Variants in HAUS1 observed in about 807,000 individuals in gnomAD.
The protein encoded by HAUS1 is HAUS augmin-like complex subunit 1.
HAUS1 carries 25 observed loss-of-function variants against 38.6 expected under a neutral mutation model. That is an observed-to-expected ratio of 0.65 (90% CI 0.47 to 0.91). The LOEUF is 0.91. Among genes scored for constraint, HAUS1 ranks in the 40% least tolerant of loss-of-function variants. The pLI is 0.00. For missense variants in HAUS1, 325 were observed against 328.4 expected (o/e 0.99, Z 0.08); for synonymous variants, 109 against 112.9 (o/e 0.97, Z 0.22).
At chr18:46,107,616 A>C (rs934478113) in intron 2 of HAUS1, among the ~76,000 whole-genome samples, 1 of 152,200 alleles carries the variant, frequency 6.6e-6, no homozygotes, top group African/African-American at 2.4e-5. Flanking sequence ...CTTTATAACA[A>C]GTGTACATTG....
intron 2 of HAUS1, among the ~76,000 whole-genome samples, chr18:46,111,889 T>C (rs1357763648): frequency 6.8e-6 from 1 of 146,962 alleles, no homozygotes; most frequent in East Asian, 1.9e-4. Flanking sequence ...TCTTTTCTTT[T>C]TTTTTTTTTT....
At chr18:46,105,118 C>A in intron 1 of HAUS1, 76 bp from the exon 2 acceptor site, 3 of 1,062,216 alleles carry the variant, frequency 2.8e-6, no homozygotes, top group South Asian at 2.0e-5. Flanking sequence ...TGCTTTTGAT[C>A]ACTTCTTTGT....
intron 4 of HAUS1, among the ~76,000 whole-genome samples, chr18:46,120,887 C>T (rs1482433996): frequency 6.6e-6 from 1 of 152,098 alleles, no homozygotes; most frequent in Non-Finnish European, 1.5e-5. Context: ...CACCCAGCCT[C>T]CTGCCTTTTC....
intron 2 of HAUS1, chr18:46,106,647 A>C (rs1435973292): frequency 6.6e-6 from 1 of 152,168 alleles, no homozygotes; most frequent in Non-Finnish European, 1.5e-5. Flanking sequence ...GTTACATATG[A>C]TATTTTGAAT....
chr18:46,123,241 G>T, intron 5 of HAUS1, 58 bp from the exon 6 acceptor site: 1 of 1,128,716 alleles, frequency 8.9e-7, no homozygotes, highest in Non-Finnish European at 1.3e-6. Flanking sequence ...AAAAATATTT[G>T]ATGGTGGTCA....
intron 7 of HAUS1, 41 bp downstream of exon 7, chr18:46,124,934 A>G (rs555536089): frequency 2.3e-5 from 26 of 1,123,772 alleles, no homozygotes; most frequent in Admixed American, 5.2e-5. Context: ...ATTTCCTCCA[A>G]CCTTCCCTGA....
intron 2 of HAUS1, among the ~76,000 whole-genome samples, chr18:46,113,913 G>A (rs1337314626): frequency 6.6e-6 from 1 of 152,188 alleles, no homozygotes; most frequent in Non-Finnish European, 1.5e-5. Context: ...TCCTCAGGGA[G>A]ACACATACTT....
At chr18:46,114,314 A>G (rs1568264060) in intron 2 of HAUS1, among the ~76,000 whole-genome samples, 1 of 152,212 alleles carries the variant, frequency 6.6e-6, no homozygotes, top group African/African-American at 2.4e-5. Flanking sequence ...GAAGAGATGG[A>G]GAGCCATCTG....
intron 2 of HAUS1, among the ~76,000 whole-genome samples, chr18:46,112,062 T>G (rs1437866864): frequency 1.3e-5 from 2 of 150,226 alleles, no homozygotes; most frequent in African/African-American, 2.4e-5. Flanking sequence ...ACTTTTTGTA[T>G]CTTTAGTAGA....
intron 2 of HAUS1, chr18:46,115,017 A>T (rs1911762714): frequency 6.6e-6 from 1 of 152,176 alleles, no homozygotes. Context: ...CTGGAAGTTG[A>T]TCTCCTGGTC....
intron 2 of HAUS1, among the ~76,000 whole-genome samples, chr18:46,112,189 A>T (rs1911652464): frequency 1.4e-5 from 2 of 144,334 alleles, no homozygotes; most frequent in African/African-American, 2.5e-5. Context: ...CTGGCCTTTC[A>T]TTTTCCTTTG....
chr18:46,125,620 T>G, intron 7 of HAUS1, 124 bp from the exon 8 acceptor site: 1 of 622,728 alleles, frequency 1.6e-6, no homozygotes, highest in Admixed American at 3.0e-5. Flanking sequence ...ATTTCAGTGT[T>G]ATATGTACAT....
Position 46,124,821 on chromosome 18 carries a change from GA to G in HAUS1, c.669del (p.Lys223AsnfsTer5), listed in dbSNP as rs1912052375. 2 of 1,589,422 alleles carry G rather than the reference GA, an allele frequency of 1.3e-6. No individual in the cohort carries two copies. The highest frequency in any genetic ancestry group is 1.7e-6 in the Non-Finnish European group (2 of 1,159,730). On this transcript the variant is annotated frameshift_variant and splice_region_variant, in exon 7 of 9. Coordinates refer to ENST00000282058, the MANE Select transcript of HAUS1 (RefSeq NM_138443.4). LOFTEE classifies it high-confidence loss of function. ...CTGTGACTGTGTTCTTTTACCCCCA[GA>G]AACTGGCAAGATTAAAGCAACAGAC... ...SHQSLVALSE[K>X]LARLKQQTIP...
intron 2 of HAUS1, among the ~76,000 whole-genome samples, chr18:46,113,138 G>A (rs192402552): frequency 2.2e-3 from 310 of 142,238 alleles, no homozygotes; most frequent in African/African-American, 5.7e-3. Flanking sequence ...GAGCAGTGGC[G>A]GAATCTCAGC....
At chr18:46,128,045 CT>C in intron 8 of HAUS1, 29 bp from the exon 9 acceptor site, 1 of 1,407,788 alleles carries the variant, frequency 7.1e-7, no homozygotes. Flanking sequence ...GTTTTATGTC[CT>C]TATCTATGGT....
At chr18:46,118,364 G>A (rs777129957) in intron 3 of HAUS1, 48 bp downstream of exon 3, 25 of 1,577,234 alleles carry the variant, frequency 1.6e-5, no homozygotes, top group Non-Finnish European at 2.1e-5. Context: ...CTGCTATAAG[G>A]TCTTAAAGAC....
intron 4 of HAUS1, among the ~76,000 whole-genome samples, chr18:46,120,497 G>A (rs1307441329): frequency 1.3e-5 from 2 of 151,706 alleles, no homozygotes; most frequent in East Asian, 1.9e-4. Flanking sequence ...GCCTCCCAAA[G>A]TGCTGGGATT....
chr18:46,127,759 A>G (rs1912150697), intron 8 of HAUS1, among the ~76,000 whole-genome samples: 1 of 151,860 alleles, frequency 6.6e-6, no homozygotes, highest in East Asian at 1.9e-4. Context: ...ACATTGTGGA[A>G]GCACATTGTT....
At chr18:46,104,541 C>A in intron 1 of HAUS1, 100 bp downstream of exon 1, 1 of 1,031,834 alleles carries the variant, frequency 9.7e-7, no homozygotes, top group Non-Finnish European at 1.3e-6. Flanking sequence ...GTCTACTTTT[C>A]TCTCCCCTAT....
Sources: gnomAD v4.1 joint callset for allele counts (sites outside exome capture counted in the v4.1 genomes callset) on GRCh38, gnomAD v4.1.1 for gene constraint, MANE v1.5 for transcripts, NCBI Gene and HGNC (gene_info 2026-07-23, HGNC 2026-07-21) for gene names.